The following RBM20 variants were observed in gnomAD, a reference collection of about 807,000 sequenced individuals.
RBM20 encodes RNA binding motif protein 20, also known as RNA-binding protein 20.
RBM20 carries 51 observed loss-of-function variants against 110.1 expected under a neutral mutation model. The observed-to-expected ratio is 0.46, with a 90% CI of 0.37 to 0.59. The LOEUF is 0.59. RBM20 is among the 20% of genes least tolerant of loss of function. RBM20 has a pLI of 0.00. For synonymous variants in RBM20, 589 were observed against 618.2 expected, an observed-to-expected ratio of 0.95 and a Z score of 0.70; for missense variants, 1,512 against 1,574.9, an observed-to-expected ratio of 0.96 and a Z score of 0.68.
intron 1 of RBM20, among the ~76,000 whole-genome samples, chr10:110,702,240 T>C (rs1302101288): frequency 6.6e-6 from 1 of 152,224 alleles, no homozygotes; most frequent in East Asian, 1.9e-4. Flanking sequence ...TTACTTCCTT[T>C]AAAGTCGAGA....
intron 5 of RBM20, among the ~76,000 whole-genome samples, chr10:110,796,588 A>T (rs1844553522): frequency 6.6e-6 from 1 of 152,224 alleles, no homozygotes; most frequent in South Asian, 2.1e-4. Flanking sequence ...TACAAAAAAT[A>T]AAAATTAAAA....
intron 1 of RBM20, among the ~76,000 whole-genome samples, chr10:110,776,869 A>G (rs1189781049): frequency 1.3e-5 from 2 of 152,180 alleles, no homozygotes; most frequent in East Asian, 1.9e-4. Flanking sequence ...AAGCTCCTGC[A>G]TTGGAGTGGG....
At chr10:110,725,446 A>C (rs1309598491) in intron 1 of RBM20, among the ~76,000 whole-genome samples, 2 of 152,178 alleles carry the variant, frequency 1.3e-5, no homozygotes, top group Non-Finnish European at 2.9e-5. Flanking sequence ...ATTATTAGGA[A>C]TCCTATGTTT....
At chr10:110,725,195 A>C (rs569729556) in intron 1 of RBM20, among the ~76,000 whole-genome samples, 7 of 152,332 alleles carry the variant, frequency 4.6e-5, no homozygotes, top group Non-Finnish European at 7.4e-5. Flanking sequence ...TAGTGGTGCT[A>C]ACATTTTGGA....
At chr10:110,648,515 G>A (rs1011449164) in intron 1 of RBM20, among the ~76,000 whole-genome samples, 8 of 152,202 alleles carry the variant, frequency 5.3e-5, no homozygotes, top group African/African-American at 1.7e-4. Flanking sequence ...TTCATACTTG[G>A]TCCTTTCTGG....
At chr10:110,719,573 T>C (rs1360858609) in intron 1 of RBM20, among the ~76,000 whole-genome samples, 1 of 152,236 alleles carries the variant, frequency 6.6e-6, no homozygotes, top group African/African-American at 2.4e-5. Context: ...AGGTTTTGTT[T>C]TTGTTTTTCT....
chr10:110,822,546 C>A (rs1445240331), intron 11 of RBM20: 2 of 451,660 alleles, frequency 4.4e-6, no homozygotes, highest in Non-Finnish European at 8.9e-6. Context: ...ATAGGCTAAG[C>A]CCCGTCTTCT....
chr10:110,721,351 C>G (rs1158324118), intron 1 of RBM20, among the ~76,000 whole-genome samples: 1 of 152,182 alleles, frequency 6.6e-6, no homozygotes, highest in Non-Finnish European at 1.5e-5. Context: ...AACCTGGACT[C>G]TTTCTAATGA....
In RBM20 at chr10:110,644,473, A is replaced by G. The variant is rs1590590851; in HGVS notation, c.19A>G (p.Met7Val). 6.6e-7 allele frequency: 1 copy of G among 1,518,608 alleles called. No homozygotes were observed. Among genetic ancestry groups the G allele is most frequent in the Non-Finnish European group, 8.8e-7 (1 of 1,137,682 alleles). 94.1% of individuals were successfully genotyped at this position (1,518,608 alleles called of 1,614,324 possible). A position where few individuals can be genotyped will look rare whatever the true frequency, so the allele number is the denominator to read the frequency against. The change falls in exon 1 of 14, where the codon ATG becomes GTG. Residue 7 changes from methionine (M) to valine (V), a missense_variant. Met to Val is a conservative substitution (Grantham distance 21). This residue lies in a region of RBM20 where 1,149 missense variants were observed against 1,169.4 expected (regional missense o/e 0.98). Transcript: ENST00000369519. The surrounding 1 kb of genome is among the most constrained non-coding windows in gnomAD (Gnocchi z 4.3). ...GCCCCGCATGGTGCTGGCAGCAGCC[A>G]TGAGCCAGGACGCGGACCCCAGCGG... is the stretch of plus-strand genomic sequence containing the variant. Reference protein sequence around the residue: MVLAAAMSQDADPSGPE... With the variant: MVLAAAVSQDADPSGPE...
At chr10:110,770,167 A>T (rs1377780315) in intron 1 of RBM20, among the ~76,000 whole-genome samples, 1 of 152,142 alleles carries the variant, frequency 6.6e-6, no homozygotes, top group Non-Finnish European at 1.5e-5. Flanking sequence ...AGACACAGAG[A>T]TGAGGGTGTA....
intron 1 of RBM20, among the ~76,000 whole-genome samples, chr10:110,741,575 G>C (rs931467577): frequency 6.6e-6 from 1 of 152,094 alleles, no homozygotes; most frequent in African/African-American, 2.4e-5. Context: ...AGTTCTGCCA[G>C]CTTTCAGTCC....
chr10:110,726,405 C>T (rs1165915641), intron 1 of RBM20, among the ~76,000 whole-genome samples: 2 of 152,224 alleles, frequency 1.3e-5, no homozygotes, highest in Non-Finnish European at 2.9e-5. Flanking sequence ...GTGAGGCCCT[C>T]TATTCACTTG....
chr10:110,652,437 A>T, intron 1 of RBM20, among the ~76,000 whole-genome samples: 1 of 152,244 alleles, frequency 6.6e-6, no homozygotes, highest in East Asian at 1.9e-4. Context: ...TTACAATAAA[A>T]GAAAACAATA....
At chr10:110,738,539 C>T (rs1194052497) in intron 1 of RBM20, among the ~76,000 whole-genome samples, 1 of 152,208 alleles carries the variant, frequency 6.6e-6, no homozygotes, top group Admixed American at 6.5e-5. Context: ...TCACTTTGAC[C>T]AAGGTCTGTG....
intron 1 of RBM20, among the ~76,000 whole-genome samples, chr10:110,723,985 T>A (rs1388819375): frequency 3.9e-5 from 6 of 152,206 alleles, no homozygotes; most frequent in African/African-American, 1.2e-4. Flanking sequence ...TGACAGACAC[T>A]GTATTCTAAA....
At chr10:110,752,934 T>C (rs1364275792) in intron 1 of RBM20, among the ~76,000 whole-genome samples, 2 of 72,310 alleles carry the variant, frequency 2.8e-5, no homozygotes, top group African/African-American at 1.0e-4. Flanking sequence ...TATATATATA[T>C]ATATATATAT....
intron 1 of RBM20, among the ~76,000 whole-genome samples, chr10:110,688,366 C>T (rs1862536512): frequency 6.6e-6 from 1 of 152,092 alleles, no homozygotes; most frequent in Non-Finnish European, 1.5e-5. Context: ...ATGGTTCTGG[C>T]CTGGACTCTA....
chr10:110,730,663 C>T (rs1273397628), intron 1 of RBM20, among the ~76,000 whole-genome samples: 1 of 152,248 alleles, frequency 6.6e-6, no homozygotes, highest in Non-Finnish European at 1.5e-5. Flanking sequence ...CCAGCATGTC[C>T]TCCTCTCCAA....
rs886046703 is a variant in RBM20 at position 110,781,768 on chromosome 10, G to A, written c.1159G>A (p.Ala387Thr). Residue 387 changes from alanine (A) to threonine (T), a missense_variant, in exon 2 of 14, where the codon GCG (alanine) becomes ACG (threonine). This residue lies in a region of RBM20 where 1,149 missense variants were observed against 1,169.4 expected (regional missense o/e 0.98). Coordinates refer to ENST00000369519, the MANE Select transcript of RBM20 (RefSeq NM_001134363.3). Reference sequence around the variant, plus strand: ...TGGGCGGAGGGCCAAGGAGGACCAGGCGTTGCTATCTGTGCGGCCCCTGCA... The same window carrying A: ...TGGGCGGAGGGCCAAGGAGGACCAGACGTTGCTATCTGTGCGGCCCCTGCA... ...GAGRRAKEDQALLSVRPLQAH... is the reference protein window; with the variant it reads ...GAGRRAKEDQTLLSVRPLQAH... The A allele has an allele frequency of 2.6e-5, 40 of 1,551,766 alleles. No homozygotes were observed. The highest frequency in any genetic ancestry group is 2.9e-5 in the Non-Finnish European group (33 of 1,147,042).
Sources: gnomAD v4.1 joint callset for allele counts (sites outside exome capture counted in the v4.1 genomes callset) on GRCh38, gnomAD v4.1.1 for gene constraint, gnomAD v4.1.1 regional missense constraint, Gnocchi (gnomAD v3.1) non-coding constraint, MANE v1.5 for transcripts, NCBI Gene and HGNC (gene_info 2026-07-23, HGNC 2026-07-21) for gene names.